The following MGA variants were observed in gnomAD, a reference collection of about 807,000 sequenced individuals.
MGA encodes the protein MAX dimerization protein MGA, also known as MAX gene-associated protein.
In MGA, 40 loss-of-function variants were observed where a neutral mutation model predicts 261.1. The observed-to-expected ratio is 0.15, with a 90% CI of 0.12 to 0.20. The LOEUF is 0.20. Among genes scored for constraint, MGA ranks in the 10% least tolerant of loss-of-function variants. MGA has a pLI of 1.00. For missense variants in MGA, 3,397 were observed against 3,630.5 expected (o/e 0.94, Z 1.65); for synonymous variants, 1,302 against 1,290.6 (o/e 1.01, Z -0.19).
At chr15:41,708,044 T>G (rs1951546371) in intron 6 of MGA, 60 bp from the exon 7 acceptor site, 1 of 1,412,672 alleles carries the variant, frequency 7.1e-7, no homozygotes, top group Non-Finnish European at 9.6e-7. Context: ...ATTAATTAAC[T>G]AGGTCCATAA....
At chr15:41,760,732 C>CAA (rs1193776071) in intron 20 of MGA, among the ~76,000 whole-genome samples, 1 of 91,202 alleles carries the variant, frequency 1.1e-5, no homozygotes, top group Admixed American at 1.5e-4. Flanking sequence ...CATTGAAAGT[C>CAA]AGATTTTTTT....
chr15:41,734,892 G>T (rs2061687827), intron 12 of MGA, among the ~76,000 whole-genome samples: 1 of 151,650 alleles, frequency 6.6e-6, no homozygotes, highest in African/African-American at 2.4e-5. Flanking sequence ...CCAAACCCCA[G>T]TAATATTGGC....
Position 41,746,985 on chromosome 15 carries a change from C to G in MGA, c.5213-1652C>G, listed in dbSNP as rs193212847. Among the ~76,000 whole-genome samples, 835 of 136,326 alleles carry G rather than the reference C, an allele frequency of 6.1e-3. 3 individuals are homozygous for G. The highest frequency in any genetic ancestry group is 9.0e-3 in the Non-Finnish European group (560 of 62,540). 89.4% of individuals were successfully genotyped at this position (136,326 alleles called of 152,430 possible). On this transcript the variant is annotated intron_variant, in intron 15 of 23. Transcript: ENST00000219905. ...ATCTCTTTGATCTAAAAAAAAAAAT[C>G]TAGATTACTCATACTGTTTTTTCCT... is the stretch of plus-strand genomic sequence containing the variant.
chr15:41,740,457 T>C (rs2577950), intron 14 of MGA, among the ~76,000 whole-genome samples: 118,306 of 151,878 alleles, frequency 0.78, 46,702 homozygotes, highest in East Asian at 0.89. Context: ...TAACACTGAC[T>C]TGAAGGCAAG....
chr15:41,726,936 T>C (rs1469737828), intron 9 of MGA, among the ~76,000 whole-genome samples: 2 of 152,222 alleles, frequency 1.3e-5, no homozygotes, highest in Non-Finnish European at 2.9e-5. Flanking sequence ...TTCATAGCTG[T>C]GTTCATTCTA....
chr15:41,656,371 T>C (rs1295474812), upstream of MGA, among the ~76,000 whole-genome samples: 3 of 137,622 alleles, frequency 2.2e-5, no homozygotes, highest in Non-Finnish European at 4.9e-5. Flanking sequence ...TCTCTCTCTC[T>C]CTCTCTCACA....
intron 1 of MGA, among the ~76,000 whole-genome samples, chr15:41,663,502 G>GTTT (rs1555405353): frequency 1.3e-5 from 2 of 151,700 alleles, no homozygotes; most frequent in Admixed American, 6.6e-5. Context: ...TGTTGTTGTT[G>GTTT]TTATTATTTT....
chr15:41,748,923 C>T lies in MGA; in HGVS notation c.5499C>T (p.Asn1833=). 1 of 1,613,374 alleles carries T rather than the reference C, an allele frequency of 6.2e-7. No individual in the cohort carries two copies. The highest frequency in any genetic ancestry group is 8.5e-7 in the Non-Finnish European group (1 of 1,179,640). Residue 1833 remains asparagine, a synonymous_variant, in exon 16 of 24, where the codon AAC becomes AAT. Coordinates refer to ENST00000219905, the MANE Select transcript of MGA (RefSeq NM_001164273.2). ...ACTTACAGCCTGTCATGTTTCGGAA[C>T]CCAGGTATAAAGTTCTTTTTTATGA...
At position 41,729,470 on chromosome 15, in the gene MGA, A is replaced by G. The variant is rs551763332; in HGVS notation, c.3843+121A>G. ...GGCAGAGAAGTCATACATGACATGT[A>G]TAACAGTTTATTTCTCTGTGTACCT... On this transcript the variant is annotated intron_variant, in intron 11 of 23. Coordinates refer to ENST00000219905, the MANE Select transcript of MGA (RefSeq NM_001164273.2). The G allele has an allele frequency of 1.4e-5, 13 of 923,016 alleles. No individual in the cohort carries two copies. The South Asian group carries it at 1.8e-4, about 13-fold the overall frequency. 57.2% of individuals were successfully genotyped at this position (923,016 alleles called of 1,614,324 possible).
intron 11 of MGA, among the ~76,000 whole-genome samples, chr15:41,733,699 G>A (rs1209088033): frequency 6.6e-6 from 1 of 152,162 alleles, no homozygotes; most frequent in African/African-American, 2.4e-5. Flanking sequence ...ATATGTGCAT[G>A]TATGTATGTT....
At chr15:41,728,000 A>G (rs368893262) in intron 10 of MGA, among the ~76,000 whole-genome samples, 27 of 152,174 alleles carry the variant, frequency 1.8e-4, no homozygotes, top group African/African-American at 2.4e-5. Flanking sequence ...TAGCAGAGCT[A>G]TTATAGTATA....
chr15:41,730,303 G>A (rs909687447), intron 11 of MGA, among the ~76,000 whole-genome samples: 8 of 152,072 alleles, frequency 5.3e-5, no homozygotes, highest in East Asian at 2.0e-4. Flanking sequence ...GCCGGGTGTG[G>A]TGGTGGGCCC....
rs183951113 is a variant in MGA, at chr15:41,646,537, G to C, written c.-67-22291G>C. 5.3e-5 allele frequency among the ~76,000 whole-genome samples: 8 copies of C among 152,004 alleles called. No individual in the cohort carries two copies. The East Asian group carries it at 1.6e-3, about 30-fold the overall frequency. ...GAAGTTCTGCCATGTTGGCCAGGTTGGTCTCGAACTCCTGGCCTCAAGTGA... is the reference window on the plus strand; with the variant it reads ...GAAGTTCTGCCATGTTGGCCAGGTTCGTCTCGAACTCCTGGCCTCAAGTGA... On this transcript the variant is annotated intron_variant, in intron 1 of 8. Transcript: ENST00000566718.
rs550414342 is a variant in MGA at position 41,764,736 on chromosome 15, G to T, written c.7745-150G>T. The T allele has an allele frequency of 1.1e-3, 790 of 725,560 alleles. 4 individuals carry two copies. The African/African-American group carries it at 0.013, about 12-fold the overall frequency. The allele number at this position is 725,560 out of a possible 1,614,324, so 44.9% of individuals were successfully genotyped here. ...TTTTTCTTGTAGAGATGGAGATGGG[G>T]TCTCACCATGTTTCCCAGGCTGGTC... On this transcript the variant is annotated intron_variant, in intron 22 of 23. Coordinates refer to ENST00000219905, the MANE Select transcript of MGA (RefSeq NM_001164273.2).
intron 10 of MGA, 91 bp from the exon 11 acceptor site, chr15:41,729,073 A>G (rs2061384010): frequency 7.6e-7 from 1 of 1,321,056 alleles, no homozygotes; most frequent in East Asian, 2.5e-5. Context: ...CGACTGTTGT[A>G]ATACAAAAAA....
At chr15:41,675,257 G>A (rs2058312925) in intron 2 of MGA, among the ~76,000 whole-genome samples, 4 of 152,214 alleles carry the variant, frequency 2.6e-5, no homozygotes, top group Admixed American at 1.3e-4. Context: ...CACCAAAAAT[G>A]TATGATGAGA....
At chr15:41,724,451 C>T (rs552217880) in intron 9 of MGA, among the ~76,000 whole-genome samples, 6 of 152,124 alleles carry the variant, frequency 3.9e-5, no homozygotes, top group Non-Finnish European at 8.8e-5. Flanking sequence ...AAGTCTGATA[C>T]GTAGTAGAAA....
chr15:41,696,411 A>G lies in MGA; in HGVS notation c.1401A>G (p.Pro467=), dbSNP rs1371199295. 2 of 1,613,986 alleles carry G rather than the reference A, an allele frequency of 1.2e-6. No individual in the cohort carries two copies. The highest frequency in any genetic ancestry group is 2.2e-5 in the East Asian group (1 of 44,884). Residue 467 remains proline (P), a synonymous_variant, in exon 3 of 24, where the codon CCA becomes CCG. Coordinates refer to ENST00000219905, the MANE Select transcript of MGA (RefSeq NM_001164273.2). ...TCAAATTAGACACTGGAAAGATGCC[A>G]GTAGTCTATCTGGAGCCCTGTGCTG...
chr15:41,765,273 T>C (rs1009303990), intron 23 of MGA, among the ~76,000 whole-genome samples: 1 of 152,242 alleles, frequency 6.6e-6, no homozygotes, highest in Admixed American at 6.5e-5. Flanking sequence ...GGGAACCATT[T>C]TGTGAACACT....
Sources: gnomAD v4.1 joint callset for allele counts (sites outside exome capture counted in the v4.1 genomes callset) on GRCh38, gnomAD v4.1.1 for gene constraint, MANE v1.5 for transcripts, NCBI Gene and HGNC (gene_info 2026-07-23, HGNC 2026-07-21) for gene names.